LRP1B: variants seen among roughly 807,000 people sequenced by gnomAD.
LRP1B encodes low-density lipoprotein receptor-related protein 1B.
A neutral mutation model predicts 556.6 loss-of-function variants in LRP1B; 217 were observed. That is an observed-to-expected ratio of 0.39 (90% CI 0.35 to 0.44). The LOEUF is 0.44. Ranked by LOEUF, LRP1B falls within the 20% of genes least tolerant of loss-of-function variation. The pLI, the probability that LRP1B is intolerant of heterozygous loss-of-function variation, is 1.00. For synonymous variants in LRP1B, 2,047 were observed against 1,865.8 expected (o/e 1.10, Z -2.50); for missense variants, 5,053 against 5,620.8 (o/e 0.90, Z 3.23).
At chr2:141,984,337 A>G (rs1284107210) in intron 1 of LRP1B, among the ~76,000 whole-genome samples, 1 of 150,652 alleles carries the variant, frequency 6.6e-6, no homozygotes, top group Non-Finnish European at 1.5e-5. Context: ...GGGGAAAAAA[A>G]AAGAATAAAG....
At chr2:141,695,492 T>C (rs1691705102) in intron 2 of LRP1B, among the ~76,000 whole-genome samples, 1 of 151,948 alleles carries the variant, frequency 6.6e-6, no homozygotes, top group Non-Finnish European at 1.5e-5. Context: ...ATAAAGCAAG[T>C]ATTGTTATCC....
intron 43 of LRP1B, among the ~76,000 whole-genome samples, chr2:140,571,743 C>T (rs1374414619): frequency 6.6e-6 from 1 of 151,494 alleles, no homozygotes; most frequent in East Asian, 1.9e-4. Context: ...CATCACAAAA[C>T]CTAACTTCAA....
At chr2:140,718,788 C>A (rs1222569862) in intron 35 of LRP1B, among the ~76,000 whole-genome samples, 1 of 152,044 alleles carries the variant, frequency 6.6e-6, no homozygotes, top group Non-Finnish European at 1.5e-5. Flanking sequence ...CCCTCACTTA[C>A]CCATCTCTAG....
chr2:141,110,888 C>T (rs1041355916), intron 7 of LRP1B, among the ~76,000 whole-genome samples: 3 of 152,118 alleles, frequency 2.0e-5, no homozygotes, highest in African/African-American at 7.2e-5. Context: ...AATCATTATA[C>T]CAACTCTAGG....
rs547303658 is a variant in LRP1B, at chr2:140,492,601, G to A, written c.9120+7C>T. 1.4e-5 allele frequency: 23 copies of A among 1,602,118 alleles called. No homozygotes were observed. In the African/African-American group the frequency reaches 2.3e-4, roughly 16 times the overall value. On this transcript the variant is annotated splice_region_variant and intron_variant, in intron 57 of 90. Transcript: ENST00000389484. ...AATGTTACGGTGTCATCTTGGGAGTGTCATACCTGTTTTAAAAGTGTGTAG... is the reference window on the plus strand; with the variant it reads ...AATGTTACGGTGTCATCTTGGGAGTATCATACCTGTTTTAAAAGTGTGTAG...
intron 3 of LRP1B, among the ~76,000 whole-genome samples, chr2:141,384,030 C>T (rs1312544123): frequency 6.6e-6 from 1 of 152,062 alleles, no homozygotes; most frequent in Non-Finnish European, 1.5e-5. Context: ...AAAAAGCTAC[C>T]ATAACTATGG....
At chr2:141,082,022 T>C (rs1699935487) in intron 7 of LRP1B, among the ~76,000 whole-genome samples, 1 of 152,198 alleles carries the variant, frequency 6.6e-6, no homozygotes, top group Non-Finnish European at 1.5e-5. Flanking sequence ...TACCTTTTTG[T>C]CTCAATAAAA....
chr2:140,521,868 C>A (rs967355860), intron 49 of LRP1B, among the ~76,000 whole-genome samples: 1 of 151,840 alleles, frequency 6.6e-6, no homozygotes, highest in Non-Finnish European at 1.5e-5. Context: ...GCAGTATTTG[C>A]TATTCGTATA....
intron 90 of LRP1B, among the ~76,000 whole-genome samples, chr2:140,234,464 A>G (rs1217912486): frequency 6.6e-6 from 1 of 151,310 alleles, no homozygotes; most frequent in East Asian, 2.0e-4. Flanking sequence ...GAATAAAATC[A>G]AAAGTTTATT....
chr2:141,469,279 T>C (rs60727330), intron 3 of LRP1B, among the ~76,000 whole-genome samples: 16,894 of 152,288 alleles, frequency 0.11, 1,055 homozygotes, highest in African/African-American at 0.15. Context: ...CTGAAAAGAC[T>C]GACTACGGTG....
At chr2:141,331,280 T>A (rs1445254995) in intron 3 of LRP1B, among the ~76,000 whole-genome samples, 2 of 152,206 alleles carry the variant, frequency 1.3e-5, no homozygotes, top group Non-Finnish European at 2.9e-5. Flanking sequence ...TAGATCAGGC[T>A]GGTAAGGAGA....
At chr2:141,232,308 T>A (rs1386914371) in intron 5 of LRP1B, among the ~76,000 whole-genome samples, 1 of 152,194 alleles carries the variant, frequency 6.6e-6, no homozygotes, top group Non-Finnish European at 1.5e-5. Context: ...AAAGATAGAC[T>A]GACAATGTCA....
At position 141,279,603 on chromosome 2, in the gene LRP1B, A is replaced by C. The variant is rs574162401; in HGVS notation, c.344-24962T>G. On this transcript the variant is annotated intron_variant, in intron 3 of 90. Transcript: ENST00000389484. The stretch of plus-strand genomic sequence containing the variant: ...GGGCCTTAGGAGTGTCTGACACATG[A>C]AATATGTCAGTAAACATGTGCTGAA... Among the ~76,000 whole-genome samples, 3 of 152,234 alleles carry C rather than the reference A, an allele frequency of 2.0e-5. No homozygotes were observed. In the South Asian group the frequency reaches 6.2e-4, roughly 32 times the overall value.
chr2:141,588,267 G>A (rs181212283), intron 2 of LRP1B, among the ~76,000 whole-genome samples: 1 of 151,576 alleles, frequency 6.6e-6, no homozygotes, highest in East Asian at 1.9e-4. Context: ...TCATAAGAGT[G>A]TGTTGGCTCC....
intron 7 of LRP1B, among the ~76,000 whole-genome samples, chr2:141,154,749 T>C (rs533765986): frequency 5.6e-4 from 85 of 152,062 alleles, no homozygotes; most frequent in African/African-American, 1.9e-3. Context: ...CTAATTCTTA[T>C]CTGTTACTAC....
intron 24 of LRP1B, among the ~76,000 whole-genome samples, chr2:140,884,590 G>A (rs1335457455): frequency 1.3e-5 from 2 of 152,018 alleles, no homozygotes; most frequent in Non-Finnish European, 2.9e-5. Context: ...CCTAAGACTT[G>A]CAAGATGTAA....
At chr2:141,169,727 G>C (rs567767562) in intron 7 of LRP1B, among the ~76,000 whole-genome samples, 1 of 150,338 alleles carries the variant, frequency 6.7e-6, no homozygotes, top group South Asian at 2.1e-4. Context: ...ACATGGAAAT[G>C]GAGACAAGAT....
intron 2 of LRP1B, among the ~76,000 whole-genome samples, chr2:141,660,993 C>T (rs891415250): frequency 7.9e-5 from 12 of 152,110 alleles, no homozygotes; most frequent in African/African-American, 2.4e-4. Flanking sequence ...GTTCTGCAGC[C>T]TCCACTGGTG....
intron 2 of LRP1B, among the ~76,000 whole-genome samples, chr2:141,640,896 G>A (rs1003927558): frequency 6.6e-6 from 1 of 152,094 alleles, no homozygotes; most frequent in Non-Finnish European, 1.5e-5. Flanking sequence ...TTTACACAGA[G>A]CAATTGCATC....
Sources: allele counts gnomAD v4.1 joint callset (sites outside exome capture counted in the v4.1 genomes callset), GRCh38; gene constraint gnomAD v4.1.1; transcripts MANE v1.5; gene names NCBI Gene and HGNC (gene_info 2026-07-23, HGNC 2026-07-21).